Variants in PLEKHA5 observed in about 807,000 individuals in gnomAD.
PLEKHA5 encodes pleckstrin homology domain-containing family A member 5.
In PLEKHA5, 55 loss-of-function variants were observed where a neutral mutation model predicts 181.9. The ratio of observed to expected loss-of-function variants is 0.30; its 90% CI spans 0.24 to 0.38. The LOEUF is 0.38. Among genes scored for constraint, PLEKHA5 ranks in the 10% least tolerant of loss-of-function variants. The probability of loss-of-function intolerance (pLI) is 1.00; values close to 1 mark genes in which losing one functional copy is unlikely to be tolerated. For synonymous variants in PLEKHA5, 535 were observed against 529.4 expected (o/e 1.01, Z -0.15); for missense variants, 1,432 against 1,549.5 (o/e 0.92, Z 1.27).
chr12:19,319,580 C>A, intron 16 of PLEKHA5: 1 of 165,238 alleles, frequency 6.1e-6, no homozygotes, highest in Admixed American at 6.5e-5. Flanking sequence ...TACTTCTAAC[C>A]CCACCTTGAA....
chr12:19,327,247 G>GTTTTTTTTT (rs55983306), intron 20 of PLEKHA5, among the ~76,000 whole-genome samples: 106 of 137,954 alleles, frequency 7.7e-4, no homozygotes, highest in Middle Eastern at 3.8e-3. Flanking sequence ...ATCTGTTTTT[G>GTTTTTTTTT]TTTTTTTTTT....
intron 3 of PLEKHA5, among the ~76,000 whole-genome samples, chr12:19,206,275 C>T (rs988171988): frequency 6.6e-6 from 1 of 151,774 alleles, no homozygotes; most frequent in Non-Finnish European, 1.5e-5. Flanking sequence ...CCATATTATG[C>T]TCTTATAATA....
intron 13 of PLEKHA5, among the ~76,000 whole-genome samples, chr12:19,289,811 A>C (rs1008071323): frequency 6.6e-6 from 1 of 152,184 alleles, no homozygotes. Context: ...TGGTCATAAA[A>C]AATGCTATAT....
Position 19,292,999 on chromosome 12 carries a change from A to G in PLEKHA5, c.2037+1302A>G, listed in dbSNP as rs977353949. Reference sequence around the variant, plus strand: ...TCAGTTTTTATAAAATGTTCTATTAATATTTAATTTTAATTTGTTGGGAAT... The same window carrying G: ...TCAGTTTTTATAAAATGTTCTATTAGTATTTAATTTTAATTTGTTGGGAAT... On this transcript the variant is annotated intron_variant, in intron 15 of 31. Coordinates refer to ENST00000429027, the MANE Select transcript of PLEKHA5 (RefSeq NM_001256470.2). 1.3e-5 allele frequency among the ~76,000 whole-genome samples: 2 copies of G among 152,210 alleles called. 1 individual carries two copies. The highest frequency in any genetic ancestry group is 2.9e-5 in the Non-Finnish European group (2 of 68,044).
chr12:19,325,375 A>G (rs896683493), intron 20 of PLEKHA5, among the ~76,000 whole-genome samples: 3 of 150,564 alleles, frequency 2.0e-5, no homozygotes, highest in African/African-American at 7.3e-5. Flanking sequence ...AGAGTGATAC[A>G]CTGTCTCTAA....
At chr12:19,129,930 G>A in intron 1 of PLEKHA5, 42 bp downstream of exon 1, 1 of 1,553,516 alleles carries the variant, frequency 6.4e-7, no homozygotes, top group Non-Finnish European at 8.8e-7. Context: ...GGGGGCGGGA[G>A]GGCAGGAGGC....
chr12:19,357,202 A>G (rs915791655), intron 26 of PLEKHA5, among the ~76,000 whole-genome samples: 1 of 145,728 alleles, frequency 6.9e-6, no homozygotes, highest in East Asian at 2.0e-4. Context: ...GCAATTTTCT[A>G]TTTCAGGGTC....
intron 6 of PLEKHA5, among the ~76,000 whole-genome samples, chr12:19,259,293 A>G (rs990594545): frequency 6.6e-6 from 1 of 152,104 alleles, no homozygotes; most frequent in African/African-American, 2.4e-5. Context: ...ACTTGAGCCC[A>G]GGATTTGAGC....
intron 15 of PLEKHA5, among the ~76,000 whole-genome samples, chr12:19,310,237 A>T (rs1177316530): frequency 1.3e-5 from 2 of 152,220 alleles, no homozygotes; most frequent in African/African-American, 4.8e-5. Context: ...TAGACTGTTA[A>T]CACCACTCTT....
intron 3 of PLEKHA5, among the ~76,000 whole-genome samples, chr12:19,224,482 T>C (rs1489165455): frequency 6.6e-6 from 1 of 152,204 alleles, no homozygotes; most frequent in Non-Finnish European, 1.5e-5. Flanking sequence ...AAACCAGTTT[T>C]CTGCATTTCA....
At chr12:19,149,272 G>A (rs988788800) in intron 3 of PLEKHA5, among the ~76,000 whole-genome samples, 6 of 151,918 alleles carry the variant, frequency 3.9e-5, no homozygotes, top group African/African-American at 7.2e-5. Flanking sequence ...GGAGGCCAGC[G>A]TGGACGGATC....
At chr12:19,268,999 TAACGC>T (rs2071565988) in intron 8 of PLEKHA5, among the ~76,000 whole-genome samples, 1 of 152,178 alleles carries the variant, frequency 6.6e-6, no homozygotes, top group African/African-American at 2.4e-5. Context: ...AAGAAATTGC[TAACGC>T]AGGAGGGAAA....
intron 3 of PLEKHA5, chr12:19,236,845 G>C (rs906031985): frequency 6.6e-6 from 1 of 152,186 alleles, no homozygotes; most frequent in Non-Finnish European, 1.5e-5. Flanking sequence ...CTGATGTGAC[G>C]TCAGTCTGGT....
Position 19,131,060 on chromosome 12 carries a change from T to G in PLEKHA5, c.169+930T>G, listed in dbSNP as rs536602996. ...GTACTGGTCTGGGTTTCTTTTATCA[T>G]TCTTTGTTTACATTCGTGACTTGTT... On this transcript the variant is annotated intron_variant, in intron 2 of 31. Coordinates refer to ENST00000429027, the MANE Select transcript of PLEKHA5 (RefSeq NM_001256470.2). 2.2e-4 allele frequency among the ~76,000 whole-genome samples: 33 copies of G among 152,350 alleles called. No homozygotes were observed. The South Asian group carries it at 6.8e-3, about 32-fold the overall frequency.
intron 3 of PLEKHA5, among the ~76,000 whole-genome samples, chr12:19,137,237 A>G (rs962296341): frequency 6.6e-6 from 1 of 152,102 alleles, no homozygotes; most frequent in Admixed American, 6.5e-5. Flanking sequence ...GGGTTTCGCC[A>G]CGTTGGCCAG....
chr12:19,330,932 T>TA (rs1217266130), intron 20 of PLEKHA5, among the ~76,000 whole-genome samples: 1 of 152,168 alleles, frequency 6.6e-6, no homozygotes, highest in Non-Finnish European at 1.5e-5. Context: ...AGTTAATGAA[T>TA]AATTACACTA....
intron 3 of PLEKHA5, among the ~76,000 whole-genome samples, chr12:19,196,939 T>A (rs940834057): frequency 6.6e-6 from 1 of 151,922 alleles, no homozygotes; most frequent in Non-Finnish European, 1.5e-5. Flanking sequence ...AATTTTCAAA[T>A]CCTGTTCACT....
intron 15 of PLEKHA5, among the ~76,000 whole-genome samples, chr12:19,296,255 T>G (rs74750603): frequency 6.7e-6 from 1 of 149,328 alleles, no homozygotes; most frequent in Non-Finnish European, 1.5e-5. Flanking sequence ...AAAAAAAAAT[T>G]ACTCAGTGTG....
chr12:19,199,112 T>A (rs1311132896), intron 3 of PLEKHA5, among the ~76,000 whole-genome samples: 3 of 152,164 alleles, frequency 2.0e-5, no homozygotes, highest in African/African-American at 7.2e-5. Flanking sequence ...TCATTACAGT[T>A]ATTTTATGGA....
Sources: allele counts gnomAD v4.1 joint callset (sites outside exome capture counted in the v4.1 genomes callset), GRCh38; gene constraint gnomAD v4.1.1; transcripts MANE v1.5; gene names NCBI Gene and HGNC (gene_info 2026-07-23, HGNC 2026-07-21).